Variants in C4orf50 observed in about 807,000 individuals in gnomAD.
The protein encoded by C4orf50 is chromosome 4 open reading frame 50, also known as uncharacterized protein C4orf50.
In C4orf50, 80 loss-of-function variants were observed where a neutral mutation model predicts 77.2. The ratio of observed to expected loss-of-function variants is 1.04; its 90% CI spans 0.87 to 1.25. The LOEUF is 1.25. Ranked by LOEUF, C4orf50 falls within the 50% of genes most tolerant of loss-of-function variation. The pLI is 0.00. For missense variants in C4orf50, 1,257 were observed against 1,152.9 expected (o/e 1.09, Z -1.31); for synonymous variants, 532 against 465.3 (o/e 1.14, Z -1.84).
chr4:5,952,665 G>A (rs1019323164), downstream of C4orf50, among the ~76,000 whole-genome samples: 27 of 152,146 alleles, frequency 1.8e-4, no homozygotes, highest in Admixed American at 1.3e-3. This position sits in a 1 kb window ranked among gnomAD's most constrained non-coding sequence, Gnocchi z 4.4. Flanking sequence ...AAGGTCAAGC[G>A]CTAAAGAAAG....
intron 25 of C4orf50, among the ~76,000 whole-genome samples, chr4:6,004,080 GTGATA>G (rs1722039824): frequency 4.0e-4 from 12 of 30,190 alleles, no homozygotes; most frequent in South Asian, 1.3e-3. Flanking sequence ...TGGTGATGAT[GTGATA>G]GTGATGATGG....
At chr4:5,923,909 C>G (rs59569378) in intron 7 of C4orf50, among the ~76,000 whole-genome samples, 18,380 of 152,176 alleles carry the variant, frequency 0.12, 1,351 homozygotes, top group African/African-American at 0.2. Context: ...CTGCCAGCGT[C>G]GCTAGAATAA....
intron 7 of C4orf50, among the ~76,000 whole-genome samples, chr4:5,909,380 G>A (rs974663559): frequency 6.6e-6 from 1 of 152,196 alleles, no homozygotes; most frequent in Non-Finnish European, 1.5e-5. Context: ...TTGTTGAATT[G>A]TTTGAGTTCC....
At chr4:5,989,286 C>T (rs1721106406) in exon 28 of C4orf50, 1 of 1,536,102 alleles carries the variant, frequency 6.5e-7, no homozygotes, top group South Asian at 1.2e-5. Context: ...TCCTCACTCT[C>T]TCGAGGGCAC....
At chr4:5,968,839 C>G (rs74319522) in intron 31 of C4orf50, among the ~76,000 whole-genome samples, 1,864 of 152,296 alleles carry the variant, frequency 0.012, 71 homozygotes, top group East Asian at 0.1. Context: ...GATACACCGA[C>G]AGAGTAGCCT....
intron 28 of C4orf50, 91 bp from the exon 7 acceptor site, chr4:5,980,429 TAG>T (rs1720518187): frequency 8.3e-7 from 1 of 1,199,596 alleles, no homozygotes; most frequent in Non-Finnish European, 1.1e-6. Context: ...CCCCACTCCG[TAG>T]TTTTTTTTTT....
intron 26 of C4orf50, among the ~76,000 whole-genome samples, chr4:5,993,843 T>A (rs1478756913): frequency 7.6e-5 from 9 of 118,632 alleles, no homozygotes; most frequent in African/African-American, 2.2e-4. Flanking sequence ...AAAATAAAAA[T>A]AAATAAAAAT....
chr4:6,017,590 C>T lies in C4orf50; in HGVS notation c.287+555G>A, dbSNP rs773497645. Among the ~76,000 whole-genome samples the T allele has an allele frequency of 1.3e-5, 2 of 152,160 alleles. No homozygotes were observed. The highest frequency in any genetic ancestry group is 6.5e-5 in the Admixed American group (1 of 15,274). On this transcript the variant is annotated intron_variant, in intron 23 of 33. Transcript: ENST00000531445. This position sits in a 1 kb window ranked among gnomAD's most constrained non-coding sequence, Gnocchi z 4.7. ...CCATAGGCTGTGATGCCTGTAGCCA[C>T]CTATGCAAGCCTTCCAGAGCACACA...
At chr4:5,952,492 G>A (rs144890809), downstream of C4orf50, among the ~76,000 whole-genome samples, 1,278 of 152,288 alleles carry the variant, frequency 8.4e-3, 15 homozygotes, top group African/African-American at 0.029. This position sits in a 1 kb window ranked among gnomAD's most constrained non-coding sequence, Gnocchi z 4.4. Flanking sequence ...AAGCAGCGGG[G>A]CTGGTCTCTG....
Position 6,013,905 on chromosome 4 carries a change from A to T in C4orf50, c.288-1937T>A, listed in dbSNP as rs146158666. ...GTGTTACAGCAACCACGGGAAGCTA[A>T]TACACTCACGAATATGACATAGACA... On this transcript the variant is annotated intron_variant, in intron 23 of 33. Coordinates refer to ENST00000531445, the Ensembl canonical transcript of C4orf50. 7.3e-3 allele frequency among the ~76,000 whole-genome samples: 1,105 copies of T among 152,242 alleles called. 9 individuals are homozygous for T. Among genetic ancestry groups the T allele is most frequent in the South Asian group, 0.018 (89 of 4,818 alleles).
At chr4:5,967,432 T>C (rs773793221) in exon 32 of C4orf50, 70 of 1,614,026 alleles carry the variant, frequency 4.3e-5, no homozygotes, top group Non-Finnish European at 5.8e-5. Flanking sequence ...GCTGCCGTCA[T>C]CTCAGACTTG....
intron 7 of C4orf50, among the ~76,000 whole-genome samples, chr4:5,924,246 C>G (rs1046341492): frequency 6.6e-6 from 1 of 152,148 alleles, no homozygotes; most frequent in African/African-American, 2.4e-5. Context: ...ATGCATCTAT[C>G]CTATTATTTC....
intron 23 of C4orf50, among the ~76,000 whole-genome samples, chr4:6,016,808 A>G (rs143390412): frequency 6.6e-6 from 1 of 152,344 alleles, no homozygotes; most frequent in African/African-American, 2.4e-5. Flanking sequence ...ATAAAACTTT[A>G]CCAAAAGGAA....
intron 7 of C4orf50, among the ~76,000 whole-genome samples, chr4:5,946,601 GTTA>G (rs1183170982): frequency 2.0e-5 from 3 of 152,300 alleles, no homozygotes; most frequent in African/African-American, 7.2e-5. Flanking sequence ...ATTTGGGAAT[GTTA>G]TTACTTTCCT....
At chr4:5,952,973 CA>C (rs1450738297), downstream of C4orf50, among the ~76,000 whole-genome samples, 3 of 152,222 alleles carry the variant, frequency 2.0e-5, no homozygotes, top group Non-Finnish European at 4.4e-5. This position sits in a 1 kb window ranked among gnomAD's most constrained non-coding sequence, Gnocchi z 4.4. Context: ...CGAAGGGAAC[CA>C]AAAGCTGCTG....
intron 28 of C4orf50, among the ~76,000 whole-genome samples, chr4:5,981,261 G>A (rs1208288739): frequency 6.6e-6 from 1 of 152,102 alleles, no homozygotes; most frequent in Admixed American, 6.5e-5. Context: ...CTGTGGCCGT[G>A]CTGAACACTC....
At chr4:5,956,002 A>T (rs1718941191), downstream of C4orf50, among the ~76,000 whole-genome samples, 1 of 152,114 alleles carries the variant, frequency 6.6e-6, no homozygotes, top group African/African-American at 2.4e-5. Flanking sequence ...ACAAATGTTA[A>T]CCTCCTCTGA....
rs377591050 is a variant in C4orf50, at chr4:5,977,916, T to C, written c.3865-1961A>G. 1.8e-4 allele frequency among the ~76,000 whole-genome samples: 27 copies of C among 152,342 alleles called. No homozygotes were observed. The East Asian group carries it at 3.5e-3, about 20-fold the overall frequency. On this transcript the variant is annotated intron_variant, in intron 29 of 33. Transcript: ENST00000531445. ...AATTGGAGGAAATATTTGCAAATCA[T>C]ATATCTAATAAAGGACTTCTATCTA...
intron 28 of C4orf50, among the ~76,000 whole-genome samples, chr4:5,982,791 TG>T (rs1439317274): frequency 6.7e-6 from 1 of 148,988 alleles, no homozygotes; most frequent in Non-Finnish European, 1.5e-5. Flanking sequence ...AGCCTGGGGG[TG>T]GGGGGAAGCT....
Sources: allele counts gnomAD v4.1 joint callset (sites outside exome capture counted in the v4.1 genomes callset), GRCh38; gene constraint gnomAD v4.1.1; non-coding constraint Gnocchi (gnomAD v3.1); transcripts MANE v1.5; gene names NCBI Gene and HGNC (gene_info 2026-07-23, HGNC 2026-07-21).